CEP95: variants seen among roughly 807,000 people sequenced by gnomAD.
CEP95 encodes centrosomal protein of 95 kDa.
In CEP95, 98 loss-of-function variants were observed where a neutral mutation model predicts 111.2. The ratio of observed to expected loss-of-function variants is 0.88; its 90% CI spans 0.75 to 1.04. The LOEUF is 1.04. Among genes scored for constraint, CEP95 ranks in the 50% least tolerant of loss-of-function variants. CEP95 has a pLI of 0.00. For synonymous variants in CEP95, 323 were observed against 327.1 expected (o/e 0.99, Z 0.14); for missense variants, 1,027 against 977.2 (o/e 1.05, Z -0.68).
intron 5 of CEP95, among the ~76,000 whole-genome samples, chr17:64,518,260 C>T (rs1431146960): frequency 1.3e-5 from 2 of 152,156 alleles, no homozygotes; most frequent in African/African-American, 2.4e-5. Context: ...CTAAGCCATT[C>T]CTCTAAAGTA....
intron 7 of CEP95, among the ~76,000 whole-genome samples, chr17:64,521,930 C>A (rs1967372192): frequency 6.6e-6 from 1 of 152,094 alleles, no homozygotes; most frequent in African/African-American, 2.4e-5. Flanking sequence ...GATCTCGGCT[C>A]ACTGCAACCT....
At chr17:64,532,642 A>C in intron 14 of CEP95, 197 bp from the exon 15 acceptor site, 1 of 1,393,412 alleles carries the variant, frequency 7.2e-7, no homozygotes, top group Non-Finnish European at 9.3e-7. Context: ...ATCCAGAACT[A>C]TTGAGCTTAT....
chr17:64,517,624 G>T (rs1229309624), intron 5 of CEP95, among the ~76,000 whole-genome samples: 1 of 151,356 alleles, frequency 6.6e-6, no homozygotes, highest in Non-Finnish European at 1.5e-5. Context: ...GTTCACTGTA[G>T]CCTTGAACTC....
intron 6 of CEP95, among the ~76,000 whole-genome samples, chr17:64,519,754 G>C (rs1967169151): frequency 6.6e-6 from 1 of 152,190 alleles, no homozygotes; most frequent in Admixed American, 6.5e-5. Flanking sequence ...GTAGTTTCCT[G>C]AACTGGTGGT....
Position 64,516,789 on chromosome 17 carries a change from A to G in CEP95, c.434A>G (p.Lys145Arg), listed in dbSNP as rs1966890816. 1.2e-6 allele frequency: 2 copies of G among 1,611,316 alleles called. No individual in the cohort carries two copies. The highest frequency in any genetic ancestry group is 3.3e-5 in the Admixed American group (2 of 59,964). ...GERLEEPEST[K>R]ESKSSWKRVS... ...CGTTTGGAAGAGCCAGAAAGTACTAAAGAATCTAAATCATCATGGAAAAGA... is the reference window on the plus strand; with the variant it reads ...CGTTTGGAAGAGCCAGAAAGTACTAGAGAATCTAAATCATCATGGAAAAGA... The change falls in exon 5 of 20, where the codon AAA (lysine) becomes AGA (arginine). Residue 145 changes from lysine (K) to arginine (R), a missense_variant. Coordinates refer to ENST00000556440, the MANE Select transcript of CEP95 (RefSeq NM_138363.3).
At chr17:64,527,881 T>C (rs1372615839) in intron 11 of CEP95, among the ~76,000 whole-genome samples, 58 of 143,256 alleles carry the variant, frequency 4.0e-4, no homozygotes, top group African/African-American at 1.4e-3. Flanking sequence ...TATATATATA[T>C]ATATATATAT....
Position 64,510,278 on chromosome 17 carries a change from C to G in CEP95, c.254C>G (p.Thr85Arg). ...TTGCAGGTCAGCTTGTCTCACATAA[C>G]AGGTTGGTATATGTATAACTATCAC... ...DYLQVSLSHI[T>R]GENIVKGDKE... Residue 85 changes from threonine (T) to arginine (R), a missense_variant and splice_region_variant, in exon 3 of 20, where the codon ACA becomes AGA. Physicochemically the swap from Thr to Arg is moderately conservative, Grantham distance 71. Transcript: ENST00000556440. The G allele has an allele frequency of 6.4e-7, 1 of 1,560,700 alleles. No homozygotes were observed. Among genetic ancestry groups the G allele is most frequent in the Non-Finnish European group, 8.8e-7 (1 of 1,134,056 alleles).
At chr17:64,528,804 T>G (rs1437869728) in intron 11 of CEP95, among the ~76,000 whole-genome samples, 1 of 152,172 alleles carries the variant, frequency 6.6e-6, no homozygotes, top group Non-Finnish European at 1.5e-5. Context: ...TTTGGCAGTG[T>G]GCAATTAGGA....
At chr17:64,533,068 T>A (rs782599101) in intron 15 of CEP95, 49 bp from the exon 16 acceptor site, 32 of 1,605,076 alleles carry the variant, frequency 2.0e-5, no homozygotes, top group Non-Finnish European at 2.6e-5. Flanking sequence ...TCCTTAAGAA[T>A]TTAGTGAACA....
intron 12 of CEP95, 132 bp from the exon 13 acceptor site, chr17:64,530,794 C>T (rs1439595291): frequency 5.7e-6 from 3 of 526,726 alleles, no homozygotes; most frequent in South Asian, 5.9e-5. Flanking sequence ...CTTGGATGCT[C>T]GGTTGAGGCA....
At chr17:64,525,749 C>T (rs782705021) in intron 8 of CEP95, 21 bp from the exon 9 acceptor site, 2 of 1,519,480 alleles carry the variant, frequency 1.3e-6, no homozygotes, top group Admixed American at 1.9e-5. Flanking sequence ...TTCAAATCAA[C>T]TTTTTTTCTG....
chr17:64,507,883 A>T (rs1476753443), intron 1 of CEP95: 8 of 985,332 alleles, frequency 8.1e-6, no homozygotes, highest in South Asian at 4.7e-5. Flanking sequence ...AAGCTAAGTT[A>T]CTTTTGGTAC....
rs782326074 is a variant in CEP95 at position 64,507,116 on chromosome 17, GGTGA to G, written c.19+4_19+7del. ...CTGAAACATGGCAGGCTCGGATGCT[GGTGA>G]GTGTCTCCCTGGGGTCCCAGTATGT... On this transcript the variant is annotated splice_donor_variant and splice_donor_region_variant and intron_variant, in intron 1 of 19. Coordinates refer to ENST00000556440, the MANE Select transcript of CEP95 (RefSeq NM_138363.3). LOFTEE classifies it high-confidence loss of function. The G allele has an allele frequency of 2.5e-5, 39 of 1,551,338 alleles. No homozygotes were observed. The highest frequency in any genetic ancestry group is 1.4e-4 in the Admixed American group (7 of 50,992).
At chr17:64,507,360 G>T in intron 1 of CEP95, 1 of 1,414,962 alleles carries the variant, frequency 7.1e-7, no homozygotes, top group Non-Finnish European at 9.2e-7. Flanking sequence ...TAGGACACTT[G>T]GGTCCTGGCT....
intron 16 of CEP95, 36 bp from the exon 17 acceptor site, chr17:64,534,549 C>T: frequency 6.3e-7 from 1 of 1,589,148 alleles, no homozygotes; most frequent in Non-Finnish European, 8.6e-7. Flanking sequence ...TCCTCTTGTC[C>T]TTACCCTTCT....
intron 7 of CEP95, among the ~76,000 whole-genome samples, chr17:64,521,977 C>T (rs1555678021): frequency 6.6e-6 from 1 of 152,128 alleles, no homozygotes; most frequent in Non-Finnish European, 1.5e-5. Context: ...CTGCCTCAGC[C>T]TCCCAAGTAG....
intron 12 of CEP95, among the ~76,000 whole-genome samples, chr17:64,530,151 TGAGACA>T (rs1555679963): frequency 2.6e-5 from 4 of 151,964 alleles, no homozygotes; most frequent in African/African-American, 9.7e-5. Context: ...TTTGGGAGGG[TGAGACA>T]GGTGGATCAC....
At chr17:64,534,773 G>T in intron 17 of CEP95, 36 bp downstream of exon 17, 1 of 1,594,198 alleles carries the variant, frequency 6.3e-7, no homozygotes, top group South Asian at 1.1e-5. Flanking sequence ...CTGTTAAGAA[G>T]GTGAACTTTG....
chr17:64,536,803 T>C, intron 18 of CEP95, 55 bp downstream of exon 18: 1 of 1,549,142 alleles, frequency 6.5e-7, no homozygotes, highest in South Asian at 1.2e-5. Context: ...CACTTGCCCT[T>C]GTGGCAAAAC....
Sources: allele counts gnomAD v4.1 joint callset (sites outside exome capture counted in the v4.1 genomes callset), GRCh38; gene constraint gnomAD v4.1.1; transcripts MANE v1.5; gene names NCBI Gene and HGNC (gene_info 2026-07-23, HGNC 2026-07-21).